Variants in DYNLT2B observed in about 807,000 individuals in gnomAD.
DYNLT2B encodes dynein light chain Tctex-type protein 2B.
A neutral mutation model predicts 19.5 loss-of-function variants in DYNLT2B; 14 were observed. That is an observed-to-expected ratio of 0.72 (90% CI 0.47 to 1.12). The LOEUF (loss-of-function observed/expected upper bound fraction) is 1.12. DYNLT2B is among the 50% of genes most tolerant of loss of function. The probability of loss-of-function intolerance (pLI) is 0.00; values close to 1 mark genes in which losing one functional copy is unlikely to be tolerated. For missense variants in DYNLT2B, 133 were observed against 174.7 expected, an observed-to-expected ratio of 0.76 and a Z score of 1.35; for synonymous variants, 70 against 59.7, an observed-to-expected ratio of 1.17 and a Z score of -0.79.
At chr3:196,292,213 CCAGT>C (rs1423478206) in intron 4 of DYNLT2B, 13 of 152,150 alleles carry the variant, frequency 8.5e-5, no homozygotes, top group African/African-American at 2.9e-4. Flanking sequence ...TTTCCAGAGC[CCAGT>C]CAAATTGCTT....
intron 2 of DYNLT2B, among the ~76,000 whole-genome samples, chr3:196,308,029 T>C (rs1466538804): frequency 6.3e-5 from 9 of 143,850 alleles, no homozygotes; most frequent in African/African-American, 2.1e-4. Flanking sequence ...TGCAGTGAGC[T>C]GAGATCGCAC....
Position 196,310,263 on chromosome 3 carries a change from G to A in DYNLT2B, c.248-3251C>T, listed in dbSNP as rs535402207. On this transcript the variant is annotated intron_variant, in intron 2 of 4. Transcript: ENST00000325318. ...ATTATAGGCATGCGCCATCACGCTC[G>A]GCTAATTTTTTTTTTTTTTTGCATT... Among the ~76,000 whole-genome samples, 35 of 139,352 alleles carry A rather than the reference G, an allele frequency of 2.5e-4. No homozygotes were observed. The South Asian group carries it at 8.1e-3, about 32-fold the overall frequency. The allele number at this position is 139,352 out of a possible 152,430, so 91.4% of individuals were successfully genotyped here.
intron 3 of DYNLT2B, among the ~76,000 whole-genome samples, chr3:196,301,343 T>C (rs891557075): frequency 6.6e-6 from 1 of 152,152 alleles, no homozygotes; most frequent in Admixed American, 6.5e-5. Flanking sequence ...GCCATATACA[T>C]GATTATCAAG....
chr3:196,299,000 C>T, intron 3 of DYNLT2B, among the ~76,000 whole-genome samples: 1 of 152,168 alleles, frequency 6.6e-6, no homozygotes, highest in Non-Finnish European at 1.5e-5. Flanking sequence ...CAACCTCTGC[C>T]TCCCCAGGCC....
chr3:196,304,132 T>C (rs1404451273), intron 3 of DYNLT2B, among the ~76,000 whole-genome samples: 5 of 152,010 alleles, frequency 3.3e-5, no homozygotes, highest in Non-Finnish European at 7.4e-5. Flanking sequence ...AACTTGGTTT[T>C]TTTATTTTTT....
At position 196,309,913 on chromosome 3, in the gene DYNLT2B, A is replaced by T. The variant is rs556487744; in HGVS notation, c.248-2901T>A. ...AGGTGAGCCAAGATTGCGCCATTGC[A>T]CTCCAGCTTGTGCAACAAGACCGAA... On this transcript the variant is annotated intron_variant, in intron 2 of 4. Transcript: ENST00000325318. Among the ~76,000 whole-genome samples the T allele has an allele frequency of 2.0e-3, 303 of 150,708 alleles. 2 individuals carry two copies. Among genetic ancestry groups the T allele is most frequent in the Admixed American group, 4.3e-3 (64 of 14,992 alleles).
At chr3:196,304,808 T>C (rs1345066382) in intron 3 of DYNLT2B, among the ~76,000 whole-genome samples, 1 of 152,050 alleles carries the variant, frequency 6.6e-6, no homozygotes, top group Admixed American at 6.6e-5. Context: ...TTAAATTGAA[T>C]AATAAAACTT....
intron 2 of DYNLT2B, chr3:196,315,422 C>T (rs1577395119): frequency 6.7e-6 from 2 of 299,172 alleles, no homozygotes; most frequent in East Asian, 2.5e-4. Flanking sequence ...GCCACCACAC[C>T]CAGCTATTTT....
intron 3 of DYNLT2B, among the ~76,000 whole-genome samples, chr3:196,302,675 T>C (rs1040923460): frequency 6.6e-6 from 1 of 152,146 alleles, no homozygotes; most frequent in Non-Finnish European, 1.5e-5. Context: ...AGGTGGGTCA[T>C]AACTCCCTGC....
At chr3:196,314,593 A>G (rs966731289) in intron 2 of DYNLT2B, among the ~76,000 whole-genome samples, 1 of 152,036 alleles carries the variant, frequency 6.6e-6, no homozygotes, top group Non-Finnish European at 1.5e-5. Context: ...TGGGAGAATC[A>G]CTTGAGGCCA....
At chr3:196,317,867 G>A (rs1234435849) in intron 1 of DYNLT2B, among the ~76,000 whole-genome samples, 173 bp downstream of exon 1, 2 of 151,982 alleles carry the variant, frequency 1.3e-5, no homozygotes, top group African/African-American at 4.8e-5. Context: ...TGCAGCGGGA[G>A]GGGCGCCCGG....
At chr3:196,300,606 C>G (rs1726328028) in intron 3 of DYNLT2B, among the ~76,000 whole-genome samples, 1 of 150,954 alleles carries the variant, frequency 6.6e-6, no homozygotes, top group Non-Finnish European at 1.5e-5. Flanking sequence ...GCGTGCGTCT[C>G]TAATCCCGGT....
intron 2 of DYNLT2B, among the ~76,000 whole-genome samples, chr3:196,314,721 C>T (rs981247558): frequency 1.3e-5 from 2 of 151,410 alleles, no homozygotes; most frequent in African/African-American, 4.9e-5. Context: ...ACTTGGGAGG[C>T]TGAGATGGGA....
At chr3:196,314,929 T>C (rs570455440) in intron 2 of DYNLT2B, among the ~76,000 whole-genome samples, 6 of 151,376 alleles carry the variant, frequency 4.0e-5, no homozygotes, top group Admixed American at 3.9e-4. Context: ...GGGTCGAGGG[T>C]TGAGTAAGGG....
intron 2 of DYNLT2B, among the ~76,000 whole-genome samples, chr3:196,309,592 A>G (rs193237718): frequency 1.3e-5 from 2 of 152,212 alleles, no homozygotes; most frequent in African/African-American, 2.4e-5. Context: ...AAAAATATTG[A>G]AGAAAAGAAA....
intron 1 of DYNLT2B, 136 bp downstream of exon 1, chr3:196,317,904 C>T (rs922344233): frequency 5.3e-6 from 2 of 378,036 alleles, no homozygotes; most frequent in African/African-American, 4.3e-5. Flanking sequence ...GCCCGCCCGC[C>T]TCGCGGCCTC....
chr3:196,309,258 C>A (rs769913303), intron 2 of DYNLT2B, among the ~76,000 whole-genome samples: 1 of 151,988 alleles, frequency 6.6e-6, no homozygotes, highest in Non-Finnish European at 1.5e-5. Context: ...CTCCACAAAA[C>A]AATTTTTCTT....
At chr3:196,306,434 CAAAA>C (rs147562790) in intron 3 of DYNLT2B, among the ~76,000 whole-genome samples, 1 of 138,980 alleles carries the variant, frequency 7.2e-6, no homozygotes, top group Non-Finnish European at 1.6e-5. Context: ...TCTCTTTAAA[CAAAA>C]AAAAAAGAAA....
intron 1 of DYNLT2B, among the ~76,000 whole-genome samples, chr3:196,316,451 A>G (rs942163577): frequency 6.6e-6 from 1 of 152,152 alleles, no homozygotes; most frequent in Non-Finnish European, 1.5e-5. Context: ...CTCATGCTCC[A>G]TATGAATGTT....
Sources: allele counts gnomAD v4.1 joint callset (sites outside exome capture counted in the v4.1 genomes callset), GRCh38; gene constraint gnomAD v4.1.1; transcripts MANE v1.5; gene names NCBI Gene and HGNC (gene_info 2026-07-23, HGNC 2026-07-21).